ABCA1: variants seen among roughly 807,000 people sequenced by gnomAD.
ABCA1 encodes the protein ATP binding cassette subfamily A member 1.
In ABCA1, 133 loss-of-function variants were observed where a neutral mutation model predicts 262.5. The ratio of observed to expected loss-of-function variants is 0.51; its 90% CI spans 0.44 to 0.59. The LOEUF is 0.59. Among genes scored for constraint, ABCA1 ranks in the 20% least tolerant of loss-of-function variants. The pLI is 0.00. For synonymous variants in ABCA1, 1,022 were observed against 1,043.5 expected (o/e 0.98, Z 0.40); for missense variants, 2,452 against 2,777.5 (o/e 0.88, Z 2.63).
At chr9:104,839,798 G>A (rs904870943) in intron 9 of ABCA1, among the ~76,000 whole-genome samples, 13 of 151,902 alleles carry the variant, frequency 8.6e-5, no homozygotes, top group Non-Finnish European at 1.8e-4. Context: ...TGAACACTTC[G>A]GATCTACTCT....
intron 8 of ABCA1, among the ~76,000 whole-genome samples, chr9:104,842,016 C>T (rs958439344): frequency 2.6e-5 from 4 of 152,230 alleles, no homozygotes; most frequent in African/African-American, 7.2e-5. Flanking sequence ...GGAAGGGCCA[C>T]GAGGCCCTGC....
chr9:104,892,111 T>C (rs1468964400), intron 2 of ABCA1, among the ~76,000 whole-genome samples: 1 of 151,240 alleles, frequency 6.6e-6, no homozygotes, highest in African/African-American at 2.4e-5. Flanking sequence ...ATAGTTTGCA[T>C]AGACGGCACA....
chr9:104,880,741 C>T (rs531674112), intron 5 of ABCA1, among the ~76,000 whole-genome samples: 34 of 152,234 alleles, frequency 2.2e-4, no homozygotes, highest in African/African-American at 7.9e-4. Flanking sequence ...AAAACAAGCA[C>T]TGACATAATA....
intron 25 of ABCA1, among the ~76,000 whole-genome samples, chr9:104,815,179 A>G (rs753422930): frequency 6.6e-5 from 10 of 152,178 alleles, no homozygotes; most frequent in Admixed American, 1.3e-4. Context: ...AGAGCACTAG[A>G]AATATGATGG....
intron 34 of ABCA1, 133 bp downstream of exon 34, chr9:104,801,921 C>A: frequency 1.2e-6 from 1 of 851,398 alleles, no homozygotes. Context: ...TCGCTAAATG[C>A]CAAAGACGGC....
intron 31 of ABCA1, 144 bp downstream of exon 31, chr9:104,806,097 T>C (rs754756104): frequency 3.7e-5 from 31 of 847,478 alleles, no homozygotes; most frequent in Non-Finnish European, 5.2e-5. Context: ...AGAGCAAGAC[T>C]CCGCCTCAGA....
intron 7 of ABCA1, among the ~76,000 whole-genome samples, chr9:104,848,874 AG>A (rs1835132823): frequency 6.6e-6 from 1 of 152,114 alleles, no homozygotes; most frequent in Admixed American, 6.5e-5. Flanking sequence ...GGCCCTGAGT[AG>A]GACCCAAGAT....
At chr9:104,844,302 C>G (rs139941675) in intron 8 of ABCA1, among the ~76,000 whole-genome samples, 1,437 of 143,216 alleles carry the variant, frequency 0.01, 22 homozygotes, top group African/African-American at 0.032. Context: ...GCTTCTCTAC[C>G]TAGTAAAAAA....
chr9:104,831,642 C>G lies in ABCA1; in HGVS notation c.1695G>C (p.Arg565Ser), dbSNP rs754040394. The change falls in exon 13 of 50, where the codon AGG (arginine) becomes AGC (serine). Residue 565 changes from arginine to serine, a missense_variant. By Grantham distance (110) the Arg-to-Ser change is moderately radical. Transcript: ENST00000374736. Reference protein sequence around the residue: ...KIRMDIDNVERTNKIKDGYWD... With the variant: ...KIRMDIDNVESTNKIKDGYWD... ...CTTACCCATCCTTGATTTTATTTGT[C>G]CTCTCCACATTGTCAATGTCCATTC... The G allele has an allele frequency of 3.8e-5, 61 of 1,613,894 alleles. No homozygotes were observed. The East Asian group carries it at 1.4e-3, about 36-fold the overall frequency.
At chr9:104,791,832 G>T in intron 43 of ABCA1, 104 bp downstream of exon 43, 1 of 1,114,122 alleles carries the variant, frequency 9.0e-7, no homozygotes, top group Non-Finnish European at 1.3e-6. Context: ...AAATACAGAA[G>T]CCTTTAAAAT....
Position 104,821,485 on chromosome 9 carries a change from G to C in ABCA1, c.2850C>G (p.Phe950Leu). ...TTTMSILTGL[F>L]PPTSGTAYIL... ...TGTAGGCGGTGCCCGAGGTCGGGGG[G>C]AACAACCCGGTCAGGATTGACCTGA... Residue 950 changes from phenylalanine (F) to leucine (L), a missense_variant, in exon 20 of 50, where the codon TTC becomes TTG. Phe to Leu is a conservative substitution (Grantham distance 22). Around this residue, in one of 4 missense-constraint regions of ABCA1, gnomAD observed 665 missense variants for 727.3 expected, o/e 0.91. Transcript: ENST00000374736. 1.2e-6 allele frequency: 2 copies of C among 1,613,990 alleles called. No individual in the cohort carries two copies. The highest frequency in any genetic ancestry group is 2.2e-5 in the East Asian group (1 of 44,874).
chr9:104,874,063 C>G (rs531632186), intron 5 of ABCA1, among the ~76,000 whole-genome samples: 9 of 152,340 alleles, frequency 5.9e-5, no homozygotes, highest in African/African-American at 1.9e-4. Context: ...CACCCTGCTC[C>G]CTGGAGCTCA....
At chr9:104,864,850 G>A (rs758506638) in intron 5 of ABCA1, among the ~76,000 whole-genome samples, 1 of 152,158 alleles carries the variant, frequency 6.6e-6, no homozygotes, top group Non-Finnish European at 1.5e-5. Flanking sequence ...TAAGACTTCT[G>A]TTATGTTAAC....
intron 5 of ABCA1, among the ~76,000 whole-genome samples, chr9:104,866,590 T>C (rs1837113465): frequency 6.6e-6 from 1 of 152,018 alleles, no homozygotes; most frequent in Non-Finnish European, 1.5e-5. Flanking sequence ...CAAGCAATTC[T>C]CCTGCCTCAG....
chr9:104,819,178 A>G (rs1832045171), intron 22 of ABCA1, among the ~76,000 whole-genome samples: 1 of 152,098 alleles, frequency 6.6e-6, no homozygotes, highest in Non-Finnish European at 1.5e-5. Flanking sequence ...TGAGGTAAGC[A>G]CCACTATTAT....
intron 31 of ABCA1, among the ~76,000 whole-genome samples, chr9:104,805,548 CCAAA>C (rs1830688004): frequency 6.6e-6 from 1 of 152,184 alleles, no homozygotes; most frequent in Non-Finnish European, 1.5e-5. Context: ...GGACTCCTTC[CCAAA>C]CAGAGTCTCT....
chr9:104,788,291 T>G, intron 45 of ABCA1, 135 bp downstream of exon 45: 1 of 1,293,648 alleles, frequency 7.7e-7, no homozygotes, highest in South Asian at 1.2e-5. Context: ...TGAAAGCAGA[T>G]ACAAAGAACC....
At chr9:104,891,274 T>A (rs1303874601) in intron 2 of ABCA1, among the ~76,000 whole-genome samples, 2 of 152,220 alleles carry the variant, frequency 1.3e-5, no homozygotes, top group African/African-American at 4.8e-5. Context: ...TTTTAAAAAA[T>A]CTTTTTGGCG....
At chr9:104,787,892 A>T (rs762048296) in intron 46 of ABCA1, 28 bp downstream of exon 46, 20 of 1,613,738 alleles carry the variant, frequency 1.2e-5, no homozygotes, top group Non-Finnish European at 1.4e-5. Context: ...GGCCAGAACA[A>T]CAGTTTTCCA....
Sources: gnomAD v4.1 joint callset for allele counts (sites outside exome capture counted in the v4.1 genomes callset) on GRCh38, gnomAD v4.1.1 for gene constraint, gnomAD v4.1.1 regional missense constraint, MANE v1.5 for transcripts, NCBI Gene and HGNC (gene_info 2026-07-23, HGNC 2026-07-21) for gene names.